Variants in CACNA1D observed in about 807,000 individuals in gnomAD.
CACNA1D encodes voltage-dependent L-type calcium channel subunit alpha-1D.
In CACNA1D, 55 loss-of-function variants were observed where a neutral mutation model predicts 257.1. The observed-to-expected ratio is 0.21, with a 90% CI of 0.17 to 0.27. The LOEUF (loss-of-function observed/expected upper bound fraction) is 0.27, where lower values mean the gene tolerates loss of function less well. CACNA1D is among the 10% of genes least tolerant of loss of function. The probability of loss-of-function intolerance (pLI) is 1.00; values close to 1 mark genes in which losing one functional copy is unlikely to be tolerated. For missense variants in CACNA1D, 1,876 were observed against 2,784.0 expected (o/e 0.67, Z 7.34); for synonymous variants, 980 against 1,014.9 (o/e 0.97, Z 0.65).
intron 3 of CACNA1D, among the ~76,000 whole-genome samples, chr3:53,507,918 T>C (rs1202400373): frequency 6.6e-6 from 1 of 152,102 alleles, no homozygotes; most frequent in African/African-American, 2.4e-5. Flanking sequence ...ATGTACAATT[T>C]ATAAACTCAG....
intron 3 of CACNA1D, among the ~76,000 whole-genome samples, chr3:53,572,262 G>T (rs2092957465): frequency 1.3e-5 from 2 of 152,224 alleles, no homozygotes; most frequent in South Asian, 2.1e-4. Flanking sequence ...TCCACCTAGG[G>T]TGCTGACCCC....
At chr3:53,603,126 A>G (rs778564990) in intron 3 of CACNA1D, among the ~76,000 whole-genome samples, 1 of 152,192 alleles carries the variant, frequency 6.6e-6, no homozygotes, top group Non-Finnish European at 1.5e-5. Flanking sequence ...TGTGCTCTTC[A>G]TTTTGGTTTT....
chr3:53,501,628 T>G lies in CACNA1D; in HGVS notation c.391T>G (p.Phe131Val). ...SIVEWKPFDI[F>V]ILLAIFANCV... is the part of the protein sequence containing the mutation. ...ACATTTTTTCAGACCATTTGACATA[T>G]TTATATTATTGGCTATTTTTGCCAA... The change falls in exon 3 of 48, where the codon TTT becomes GTT. Residue 131 changes from phenylalanine (F) to valine (V), a missense_variant. By Grantham distance (50) the Phe-to-Val change is conservative. This residue lies in a region of CACNA1D where 143 missense variants were observed against 168.7 expected (regional missense o/e 0.85). Transcript: ENST00000350061. 1 of 1,556,752 alleles carries G rather than the reference T, an allele frequency of 6.4e-7. No homozygotes were observed. The highest frequency in any genetic ancestry group is 8.9e-7 in the Non-Finnish European group (1 of 1,128,750).
intron 45 of CACNA1D, among the ~76,000 whole-genome samples, chr3:53,806,005 C>CCCTCCTCCTCCCTCATGTTCCCT (rs1480021355): frequency 1.5e-5 from 2 of 136,154 alleles, no homozygotes; most frequent in Middle Eastern, 4.3e-3. Context: ...CCCTCATCTT[C>CCCTCCTCCTCCCTCATGTTCCCT]CCTCCTCCTC....
At chr3:53,630,107 A>G (rs1182843866) in intron 3 of CACNA1D, among the ~76,000 whole-genome samples, 1 of 152,220 alleles carries the variant, frequency 6.6e-6, no homozygotes, top group Non-Finnish European at 1.5e-5. Context: ...CACCTGTGAA[A>G]GATTATTTTA....
intron 3 of CACNA1D, among the ~76,000 whole-genome samples, chr3:53,644,780 T>C (rs541122751): frequency 6.6e-6 from 1 of 152,350 alleles, no homozygotes; most frequent in African/African-American, 2.4e-5. Context: ...ATGAAGAACA[T>C]GGGCGTGGCA....
intron 9 of CACNA1D, chr3:53,710,381 T>A (rs1319114645): frequency 4.4e-6 from 2 of 456,306 alleles, no homozygotes; most frequent in Non-Finnish European, 8.8e-6. Flanking sequence ...AAATTGCCTG[T>A]GTTCAACCTG....
chr3:53,563,401 G>A lies in CACNA1D; in HGVS notation c.483+61681G>A, dbSNP rs146320311. Among the ~76,000 whole-genome samples, 9 of 152,212 alleles carry A rather than the reference G, an allele frequency of 5.9e-5. No individual in the cohort carries two copies. In the East Asian group the frequency reaches 1.7e-3, roughly 29 times the overall value. On this transcript the variant is annotated intron_variant, in intron 3 of 47. Coordinates refer to ENST00000350061, the MANE Select transcript of CACNA1D (RefSeq NM_001128840.3). ...TAACCAGGCGTGGTCGTGGGCGCCT[G>A]TAGTCCCAGCTACTTGGGAGGCTGA...
At chr3:53,503,534 A>G (rs1194780092) in intron 3 of CACNA1D, among the ~76,000 whole-genome samples, 1 of 152,216 alleles carries the variant, frequency 6.6e-6, no homozygotes, top group Non-Finnish European at 1.5e-5. Flanking sequence ...ACCTTTCAGA[A>G]AGGCAGATTA....
rs2095532893 is a variant in CACNA1D at position 53,800,851 on chromosome 3, A to G, written c.5041-207A>G. ...CAGCCGACAGCTTGCTCCCCAGCTC[A>G]GGAAATCGGTAACCTTCCTCATCTC... is the stretch of plus-strand genomic sequence containing the variant. On this transcript the variant is annotated intron_variant, in intron 41 of 47. Coordinates refer to ENST00000350061, the MANE Select transcript of CACNA1D (RefSeq NM_001128840.3). This position sits in a 1 kb window ranked among gnomAD's most constrained non-coding sequence, Gnocchi z 4.3. The G allele has an allele frequency of 1.6e-6, 1 of 622,192 alleles. No individual in the cohort carries two copies. Among genetic ancestry groups the G allele is most frequent in the East Asian group, 2.8e-5 (1 of 36,280 alleles). The allele number at this position is 622,192 out of a possible 1,614,324, so 38.5% of individuals were successfully genotyped here.
At chr3:53,794,520 T>C (rs2095499117) in intron 40 of CACNA1D, among the ~76,000 whole-genome samples, 1 of 152,170 alleles carries the variant, frequency 6.6e-6, no homozygotes, top group Non-Finnish European at 1.5e-5. Context: ...AGAGTGGGAA[T>C]CCTAGATGGG....
chr3:53,732,456 C>T (rs939315376), intron 18 of CACNA1D, among the ~76,000 whole-genome samples: 7 of 152,176 alleles, frequency 4.6e-5, no homozygotes, highest in African/African-American at 1.7e-4. Context: ...CTGAAAGTCC[C>T]ACACAGTTTC....
intron 3 of CACNA1D, among the ~76,000 whole-genome samples, chr3:53,645,848 T>C (rs1363429713): frequency 6.6e-6 from 1 of 152,026 alleles, no homozygotes; most frequent in Non-Finnish European, 1.5e-5. Flanking sequence ...GAAAGAGGGT[T>C]GGGGAGACTG....
intron 8 of CACNA1D, among the ~76,000 whole-genome samples, chr3:53,674,501 A>G (rs2094354995): frequency 6.6e-6 from 1 of 152,056 alleles, no homozygotes; most frequent in Non-Finnish European, 1.5e-5. Flanking sequence ...ACGATTTTTG[A>G]AGTTTGCTTG....
intron 3 of CACNA1D, among the ~76,000 whole-genome samples, chr3:53,533,246 C>T (rs984200442): frequency 6.6e-6 from 1 of 152,062 alleles, no homozygotes; most frequent in African/African-American, 2.4e-5. Context: ...TTATGTGATT[C>T]CCTCCCCATT....
intron 40 of CACNA1D, among the ~76,000 whole-genome samples, chr3:53,795,962 C>T (rs1026572968): frequency 6.6e-6 from 1 of 152,158 alleles, no homozygotes; most frequent in African/African-American, 2.4e-5. Flanking sequence ...GATCCCAACC[C>T]TTTATATCTG....
intron 3 of CACNA1D, among the ~76,000 whole-genome samples, chr3:53,625,208 G>A (rs2093743040): frequency 6.6e-6 from 1 of 152,168 alleles, no homozygotes; most frequent in Non-Finnish European, 1.5e-5. Flanking sequence ...TTGAGAGTGT[G>A]CCCTGGAAAG....
At chr3:53,682,944 G>A (rs2094445805) in intron 8 of CACNA1D, among the ~76,000 whole-genome samples, 1 of 152,202 alleles carries the variant, frequency 6.6e-6, no homozygotes, top group South Asian at 2.1e-4. Flanking sequence ...AAACACATGA[G>A]GTAAACTCCG....
At chr3:53,663,445 A>G (rs1035336975) in intron 5 of CACNA1D, among the ~76,000 whole-genome samples, 2 of 152,166 alleles carry the variant, frequency 1.3e-5, no homozygotes, top group Admixed American at 1.3e-4. Flanking sequence ...GGGGATGCCA[A>G]TGCAAGGTCA....
Sources: allele counts gnomAD v4.1 joint callset (sites outside exome capture counted in the v4.1 genomes callset), GRCh38; gene constraint gnomAD v4.1.1; regional missense constraint gnomAD v4.1.1; non-coding constraint Gnocchi (gnomAD v3.1); transcripts MANE v1.5; gene names NCBI Gene and HGNC (gene_info 2026-07-23, HGNC 2026-07-21).